The following ELAVL1 variants were observed in gnomAD, a reference collection of about 807,000 sequenced individuals.
ELAVL1 encodes ELAV like RNA binding protein 1.
In ELAVL1, 1 loss-of-function variant was observed where a neutral mutation model predicts 28.4. The observed-to-expected ratio is 0.04, with a 90% CI of 0.01 to 0.17. ELAVL1 has a LOEUF of 0.17. Among genes scored for constraint, ELAVL1 ranks in the 10% least tolerant of loss-of-function variants. The pLI is 1.00. For synonymous variants in ELAVL1, 174 were observed against 183.5 expected (o/e 0.95, Z 0.42); for missense variants, 157 against 447.2 (o/e 0.35, Z 5.85).
chr19:8,000,431 T>C (rs543731198), intron 1 of ELAVL1, among the ~76,000 whole-genome samples: 77 of 152,326 alleles, frequency 5.1e-4, no homozygotes, highest in Middle Eastern at 3.4e-3. Context: ...CAGGCAAGCA[T>C]GAGAATCACT....
intron 1 of ELAVL1, among the ~76,000 whole-genome samples, chr19:7,996,432 G>A (rs540735050): frequency 6.6e-6 from 1 of 151,882 alleles, no homozygotes; most frequent in Admixed American, 6.5e-5. Context: ...CTGCCCATCT[G>A]CCCACCTCGG....
At position 7,979,830 on chromosome 19, in the gene ELAVL1, A is replaced by G. The variant is rs931644433; in HGVS notation, c.276+1253T>C. Among the ~76,000 whole-genome samples, 10 of 152,116 alleles carry G rather than the reference A, an allele frequency of 6.6e-5. No homozygotes were observed. The highest frequency in any genetic ancestry group is 2.4e-4 in the African/African-American group (10 of 41,432). Reference sequence around the variant, plus strand: ...GTTTGGCCACTGAGTAACCAAGATCATGGGGCAGTCTGAAGGCAGGGACAG... The same window carrying G: ...GTTTGGCCACTGAGTAACCAAGATCGTGGGGCAGTCTGAAGGCAGGGACAG... On this transcript the variant is annotated intron_variant, in intron 3 of 5. Transcript: ENST00000407627. The surrounding 1 kb of genome is among the most constrained non-coding windows in gnomAD (Gnocchi z 5.4).
intron 3 of ELAVL1, among the ~76,000 whole-genome samples, chr19:7,977,920 C>T (rs1424602805): frequency 6.6e-6 from 1 of 152,230 alleles, no homozygotes; most frequent in Admixed American, 6.5e-5. Context: ...GCCTTGTGCC[C>T]CTGCAGGTCC....
chr19:7,979,458 G>C lies in ELAVL1; in HGVS notation c.276+1625C>G, dbSNP rs548404768. 2.0e-5 allele frequency among the ~76,000 whole-genome samples: 3 copies of C among 152,342 alleles called. No individual in the cohort carries two copies. Among genetic ancestry groups the C allele is most frequent in the African/African-American group, 7.2e-5 (3 of 41,580 alleles). ...ACCCGGCTCCTGCATCTGAGTAAACGGAACAGCTGTGCAGGAATAATCAAG... is the reference window on the plus strand; with the variant it reads ...ACCCGGCTCCTGCATCTGAGTAAACCGAACAGCTGTGCAGGAATAATCAAG... On this transcript the variant is annotated intron_variant, in intron 3 of 5. Coordinates refer to ENST00000407627, the MANE Select transcript of ELAVL1 (RefSeq NM_001419.3). This position sits in a 1 kb window ranked among gnomAD's most constrained non-coding sequence, Gnocchi z 5.4.
chr19:7,965,126 T>C (rs1009314167), intron 5 of ELAVL1, among the ~76,000 whole-genome samples: 1 of 152,246 alleles, frequency 6.6e-6, no homozygotes, highest in African/African-American at 2.4e-5. Context: ...GGTCTCACTA[T>C]GTTGTCCAGT....
rs555393564 is a variant in ELAVL1 at position 7,979,241 on chromosome 19, G to A, written c.276+1842C>T. ...AAGCCACTGAGAAGCAGACTCTGCC[G>A]GCAGAGGGCAGGGCCGCCGAAGGTG... On this transcript the variant is annotated intron_variant, in intron 3 of 5. Transcript: ENST00000407627. The surrounding 1 kb of genome is among the most constrained non-coding windows in gnomAD (Gnocchi z 5.4). Among the ~76,000 whole-genome samples, 11 of 152,342 alleles carry A rather than the reference G, an allele frequency of 7.2e-5. No individual in the cohort carries two copies. The highest frequency in any genetic ancestry group is 2.0e-4 in the Admixed American group (3 of 15,310).
At chr19:8,001,939 G>A (rs957115895) in intron 1 of ELAVL1, 20 of 787,528 alleles carry the variant, frequency 2.5e-5, no homozygotes, top group African/African-American at 2.3e-4. Context: ...CAGCCATTAC[G>A]GGGCCACCTC....
chr19:7,965,181 G>A (rs1223754870), intron 5 of ELAVL1, among the ~76,000 whole-genome samples: 6 of 152,192 alleles, frequency 3.9e-5, no homozygotes, highest in African/African-American at 1.4e-4. Context: ...TGCCTCCTGA[G>A]CAGCTGGACC....
chr19:7,966,993 C>T (rs945900142), intron 5 of ELAVL1, among the ~76,000 whole-genome samples: 40 of 151,856 alleles, frequency 2.6e-4, no homozygotes, highest in African/African-American at 9.2e-4. Context: ...TAAGTGCTCA[C>T]GCTCACAGCA....
intron 1 of ELAVL1, among the ~76,000 whole-genome samples, chr19:7,999,234 G>A (rs771582919): frequency 6.6e-5 from 10 of 152,182 alleles, no homozygotes; most frequent in Admixed American, 3.9e-4. Context: ...TTAGCTGGGC[G>A]TGATGGTGCA....
intron 3 of ELAVL1, among the ~76,000 whole-genome samples, chr19:7,974,311 G>A (rs1985216813): frequency 6.6e-6 from 1 of 152,260 alleles, no homozygotes. Flanking sequence ...GAGCAAGCTC[G>A]CCACAGAAGC....
At chr19:8,002,536 G>A (rs914522136) in intron 1 of ELAVL1, among the ~76,000 whole-genome samples, 1 of 152,320 alleles carries the variant, frequency 6.6e-6, no homozygotes, top group South Asian at 2.1e-4. Flanking sequence ...AGCTCGGGTC[G>A]GCCGCACCGC....
intron 5 of ELAVL1, among the ~76,000 whole-genome samples, chr19:7,964,739 T>G (rs752051585): frequency 1.3e-5 from 2 of 152,038 alleles, no homozygotes; most frequent in African/African-American, 4.8e-5. Flanking sequence ...CTTCTGAAAA[T>G]GTACAGATGC....
chr19:7,993,538 T>C (rs1456537793), intron 1 of ELAVL1, among the ~76,000 whole-genome samples: 1 of 152,216 alleles, frequency 6.6e-6, no homozygotes, highest in African/African-American at 2.4e-5. Flanking sequence ...AGTCTTTCCT[T>C]TCAGTGATAA....
At chr19:7,986,351 C>G (rs2145217907) in intron 2 of ELAVL1, among the ~76,000 whole-genome samples, 1 of 152,266 alleles carries the variant, frequency 6.6e-6, no homozygotes, top group African/African-American at 2.4e-5. Flanking sequence ...CAGCAAAGGT[C>G]TGCAAAAGAA....
In ELAVL1 at chr19:7,973,819, C is replaced by A. The variant is rs1379108637; in HGVS notation, c.336G>T (p.Gly112=). 4 of 1,614,010 alleles carry A rather than the reference C, an allele frequency of 2.5e-6. No individual in the cohort carries two copies. Among genetic ancestry groups the A allele is most frequent in the Non-Finnish European group, 3.4e-6 (4 of 1,180,032 alleles). Residue 112 remains glycine, a synonymous_variant, in exon 4 of 6, where the codon GGG becomes GGT. Coordinates refer to ENST00000407627, the MANE Select transcript of ELAVL1 (RefSeq NM_001419.3). The stretch of plus-strand genomic sequence containing the variant: ...CCTTCTGGGTCATGGTCCGCGGGAG[C>A]CCGCTGATGTACAAGTTGGCGTCTT... The part of the protein sequence containing the change: ...VIKDANLYIS[G]LPRTMTQKDV...
At chr19:8,002,384 G>A (rs2081071165) in intron 1 of ELAVL1, among the ~76,000 whole-genome samples, 1 of 152,070 alleles carries the variant, frequency 6.6e-6, no homozygotes, top group Non-Finnish European at 1.5e-5. Context: ...GGGCTGAGAT[G>A]ACCTACACAC....
intron 4 of ELAVL1, among the ~76,000 whole-genome samples, chr19:7,968,560 G>T (rs1201217332): frequency 6.6e-6 from 1 of 152,242 alleles, no homozygotes; most frequent in Non-Finnish European, 1.5e-5. Flanking sequence ...CCCTGTATGG[G>T]AAGGGCCAGG....
intron 2 of ELAVL1, among the ~76,000 whole-genome samples, chr19:7,987,284 G>A (rs1985632891): frequency 1.3e-5 from 2 of 152,182 alleles, no homozygotes; most frequent in African/African-American, 2.4e-5. Flanking sequence ...GAATGGGGCT[G>A]CAGCCTGGTG....
Sources: gnomAD v4.1 joint callset for allele counts (sites outside exome capture counted in the v4.1 genomes callset) on GRCh38, gnomAD v4.1.1 for gene constraint, Gnocchi (gnomAD v3.1) non-coding constraint, MANE v1.5 for transcripts, NCBI Gene and HGNC (gene_info 2026-07-23, HGNC 2026-07-21) for gene names.